Variants in TTN observed in about 807,000 individuals in gnomAD.
The protein encoded by TTN is titin, also known as connectin.
TTN carries 1,525 observed loss-of-function variants against 3,223.0 expected under a neutral mutation model. The observed-to-expected ratio is 0.47, with a 90% CI of 0.45 to 0.49. TTN has a LOEUF of 0.49. TTN is among the 20% of genes least tolerant of loss of function. The probability of loss-of-function intolerance (pLI) is 0.00; values close to 1 mark genes in which losing one functional copy is unlikely to be tolerated. For missense variants in TTN, 40,786 were observed against 43,424.0 expected (o/e 0.94, Z 5.40); for synonymous variants, 14,094 against 15,161.0 (o/e 0.93, Z 5.17).
In TTN at chr2:178,551,165, C is replaced by T. The variant is rs773655064; in HGVS notation, c.91366G>A (p.Gly30456Ser). 3 of 1,613,436 alleles carry T rather than the reference C, an allele frequency of 1.9e-6. No individual in the cohort carries two copies. In the African/African-American group the frequency reaches 4.0e-5, roughly 22 times the overall value. Residue 30456 changes from glycine to serine, a missense_variant, in exon 336 of 363, where the codon GGC becomes AGC. Coordinates refer to ENST00000589042, the MANE Select transcript of TTN (RefSeq NM_001267550.2). ...CCTTGCCGTTTCTCAATGCTATAGC[C>T]CACAATCTTACTGCCTCCATCACGC... Reference protein sequence around the residue: ...PLRDGGSKIVGYSIEKRQGNE... With the variant: ...PLRDGGSKIVSYSIEKRQGNE...
In TTN at chr2:178,688,692, C is replaced by T. The variant is rs1560397666; in HGVS notation, c.32182G>A (p.Val10728Ile). ...LSFAVPQRVEVTRHEVSAEEE... is the reference protein window; with the variant it reads ...LSFAVPQRVEITRHEVSAEEE... ...GATTATATACCTTCGTGCCGCGTGA[C>T]TTCCACTCTTTGAGGAACTGCGAAG... The change falls in exon 126 of 363, where the codon GTC (valine) becomes ATC (isoleucine). Residue 10728 changes from valine to isoleucine, a missense_variant. Coordinates refer to ENST00000589042, the MANE Select transcript of TTN (RefSeq NM_001267550.2). 6.2e-7 allele frequency: 1 copy of T among 1,613,108 alleles called. No individual in the cohort carries two copies. Among genetic ancestry groups the T allele is most frequent in the East Asian group, 2.2e-5 (1 of 44,874 alleles).
Position 178,566,715 on chromosome 2 carries a change from T to C in TTN, c.79417A>G (p.Ser26473Gly). 1 of 1,613,512 alleles carries C rather than the reference T, an allele frequency of 6.2e-7. No homozygotes were observed. Among genetic ancestry groups the C allele is most frequent in the East Asian group, 2.2e-5 (1 of 44,842 alleles). The change falls in exon 326 of 363, where the codon AGT becomes GGT. Residue 26473 changes from serine to glycine, a missense_variant. Coordinates refer to ENST00000589042, the MANE Select transcript of TTN (RefSeq NM_001267550.2). ...GCTTTATAATAAACTGTAGCTGGACTTGGTTCCCCAACTCCAGCAGCATTT... is the reference window on the plus strand; with the variant it reads ...GCTTTATAATAAACTGTAGCTGGACCTGGTTCCCCAACTCCAGCAGCATTT... ...AENAAGVGEP[S>G]PATVYYKACD...
At position 178,677,856 on chromosome 2, in the gene TTN, T is replaced by C. The variant is rs986502331; in HGVS notation, c.34056A>G (p.Leu11352=). 2.5e-6 allele frequency: 4 copies of C among 1,612,310 alleles called. No individual in the cohort carries two copies. Among genetic ancestry groups the C allele is most frequent in the African/African-American group, 2.7e-5 (2 of 74,780 alleles). Residue 11352 remains leucine (L), a synonymous_variant, in exon 146 of 363, where the codon CTA becomes CTG. Transcript: ENST00000589042. ...CTTCAGGAACAATTTCTTCTTCAAATAGAACTTCCTCTTCCTGAGGTAGAG... is the reference window on the plus strand; with the variant it reads ...CTTCAGGAACAATTTCTTCTTCAAACAGAACTTCCTCTTCCTGAGGTAGAG... ...PVALPQEEEV[L]FEEEIVPEEE... is the part of the protein sequence containing the mutation.
rs879134517 is a variant in TTN, at chr2:178,694,882, T to C, written c.31295A>G (p.Lys10432Arg). 24 of 1,557,350 alleles carry C rather than the reference T, an allele frequency of 1.5e-5. No homozygotes were observed. The highest frequency in any genetic ancestry group is 2.1e-5 in the Non-Finnish European group (24 of 1,149,198). Residue 10432 changes from lysine (K) to arginine (R), a missense_variant, in exon 116 of 363, where the codon AAA (lysine) becomes AGA (arginine). Physicochemically the swap from Lys to Arg is conservative, Grantham distance 26. Transcript: ENST00000589042. The stretch of plus-strand genomic sequence containing the variant: ...CATTCTTCGAGAAGTCTTTTCAATT[T>C]TTTCAATTACTGGCTTCTTTATAAC... ...PKVIKKPVIEKIEKTSRRMEE... is the reference protein window; with the variant it reads ...PKVIKKPVIERIEKTSRRMEE...
intron 278 of TTN, 28 bp downstream of exon 278, chr2:178,606,993 A>G (rs569838879): frequency 4.0e-5 from 63 of 1,594,188 alleles, no homozygotes; most frequent in South Asian, 2.3e-4. Context: ...ACATTACTCT[A>G]TAAACACAAT....
At chr2:178,602,665 G>T in intron 282 of TTN, 75 bp from the exon 283 acceptor site, 1 of 1,103,128 alleles carries the variant, frequency 9.1e-7, no homozygotes, top group Non-Finnish European at 1.2e-6. Context: ...TACTACACAT[G>T]ATCATATATT....
Position 178,651,264 on chromosome 2 carries a change from G to A in TTN, c.39604C>T (p.Pro13202Ser), listed in dbSNP as rs1413532710. Residue 13202 changes from proline to serine, a missense_variant, in exon 208 of 363, where the codon CCA becomes TCA. Physicochemically the swap from Pro to Ser is moderately conservative, Grantham distance 74. Coordinates refer to ENST00000589042, the MANE Select transcript of TTN (RefSeq NM_001267550.2). Reference protein sequence around the residue: ...PEKKVAVPKKPEVPPAKVPEV... With the variant: ...PEKKVAVPKKSEVPPAKVPEV... ...GTACCTTTTGCTGGTGGGACTTCTGGCTTTTTGGGAACAGCTACTTTCTTT... is the reference window on the plus strand; with the variant it reads ...GTACCTTTTGCTGGTGGGACTTCTGACTTTTTGGGAACAGCTACTTTCTTT... 2 of 1,613,092 alleles carry A rather than the reference G, an allele frequency of 1.2e-6. No individual in the cohort carries two copies. The highest frequency in any genetic ancestry group is 1.7e-6 in the Non-Finnish European group (2 of 1,179,432).
At position 178,565,990 on chromosome 2, in the gene TTN, C is replaced by A; in HGVS notation, c.80142G>T (p.Lys26714Asn). Residue 26714 changes from lysine (K) to asparagine (N), a missense_variant, in exon 326 of 363, where the codon AAG becomes AAT. Lys to Asn is a moderately conservative substitution (Grantham distance 94, BLOSUM62 0). Transcript: ENST00000589042. ...WEPPIIDGGA[K>N]VKNYVIDKRE... ...GTTTGTCAATCACATAGTTCTTGACCTTTGCCCCTCCATCAATGATGGGTG... is the reference window on the plus strand; with the variant it reads ...GTTTGTCAATCACATAGTTCTTGACATTTGCCCCTCCATCAATGATGGGTG... 1 of 1,613,548 alleles carries A rather than the reference C, an allele frequency of 6.2e-7. No individual in the cohort carries two copies. Among genetic ancestry groups the A allele is most frequent in the Non-Finnish European group, 8.5e-7 (1 of 1,179,624 alleles).
At chr2:178,788,740 T>C (rs1202494823) in intron 13 of TTN, among the ~76,000 whole-genome samples, 1 of 152,076 alleles carries the variant, frequency 6.6e-6, no homozygotes, top group African/African-American at 2.4e-5. Flanking sequence ...ACGGTAATCT[T>C]TTCATGGCTT....
Position 178,694,027 on chromosome 2 carries a change from A to G in TTN, c.31427-19T>C. On this transcript the variant is annotated intron_variant, in intron 117 of 362. Coordinates refer to ENST00000589042, the MANE Select transcript of TTN (RefSeq NM_001267550.2). The stretch of plus-strand genomic sequence containing the variant: ...GCTGGTACTTTAAAGAGAGTATTTC[A>G]CATTAGTATTCCTTTTTTTTAGTAC... The G allele has an allele frequency of 6.3e-7, 1 of 1,584,300 alleles. No individual in the cohort carries two copies. Among genetic ancestry groups the G allele is most frequent in the South Asian group, 1.1e-5 (1 of 88,240 alleles).
chr2:178,794,018 A>T (rs2093643192), intron 8 of TTN, among the ~76,000 whole-genome samples: 1 of 152,212 alleles, frequency 6.6e-6, no homozygotes, highest in African/African-American at 2.4e-5. Flanking sequence ...GGGGAAACTT[A>T]GAGAAATGTA....
Position 178,621,697 on chromosome 2 carries a change from TAAC to T in TTN, c.45124_45126del (p.Val15042del). 1.2e-6 allele frequency: 2 copies of T among 1,612,124 alleles called. No individual in the cohort carries two copies. Among genetic ancestry groups the T allele is most frequent in the Non-Finnish European group, 1.7e-6 (2 of 1,179,036 alleles). On this transcript the variant is annotated inframe_deletion, in exon 245 of 363. Transcript: ENST00000589042. The stretch of plus-strand genomic sequence containing the variant: ...ACCAGTTTTATAGTGTCTGTTTCAC[TAAC>T]TTCAATGTTGGCAAGATTTTTGGTA...
rs758185616 is a variant in TTN at position 178,722,509 on chromosome 2, C to T, written c.22278G>A (p.Lys7426=). The T allele has an allele frequency of 3.7e-6, 6 of 1,612,600 alleles. No individual in the cohort carries two copies. The South Asian group carries it at 6.6e-5, about 18-fold the overall frequency. Residue 7426 remains lysine (K), a synonymous_variant, in exon 77 of 363, where the codon AAG becomes AAA. Coordinates refer to ENST00000589042, the MANE Select transcript of TTN (RefSeq NM_001267550.2). The part of the protein sequence containing the change: ...QLPPSFARQL[K]DIEQTVGLPV... The stretch of plus-strand genomic sequence containing the variant: ...GTAACCCCACAGTTTGTTCAATGTC[C>T]TTTAATTGTCTTGCAAAAGAAGGTG...
chr2:178,566,616 G>GC lies in TTN; in HGVS notation c.79515_79516insG (p.Leu26506AlafsTer5). On this transcript the variant is annotated frameshift_variant, in exon 326 of 363. Transcript: ENST00000589042. LOFTEE classifies it high-confidence loss of function. ...TCATAGATGGGTTTACCCCAGGCAA[G>GC]TGTGATTGAATTTTTAGTGGTGTCT... The GC allele has an allele frequency of 6.2e-7, 1 of 1,612,466 alleles. No individual in the cohort carries two copies. Among genetic ancestry groups the GC allele is most frequent in the Non-Finnish European group, 8.5e-7 (1 of 1,179,666 alleles).
In TTN at chr2:178,741,320, C is replaced by T. The variant is rs749961489; in HGVS notation, c.11913G>A (p.Trp3971Ter). The T allele has an allele frequency of 4.3e-6, 7 of 1,613,830 alleles. No homozygotes were observed. Among genetic ancestry groups the T allele is most frequent in the Non-Finnish European group, 5.9e-6 (7 of 1,179,824 alleles). The change falls in exon 48 of 363, where the codon TGG (tryptophan) becomes TGA (stop). Residue 3971 changes from tryptophan to a stop codon, truncating the protein, a stop_gained. Transcript: ENST00000589042. LOFTEE classifies it high-confidence loss of function. ...TGCAAAGCTGCTTGTTTTCTTTGAACCATGTAACAGTAGGGGCAGGCTCTC... is the reference window on the plus strand; with the variant it reads ...TGCAAAGCTGCTTGTTTTCTTTGAATCATGTAACAGTAGGGGCAGGCTCTC... ...VVGEPAPTVT[W>*]FKENKQLCTS... is the part of the protein sequence containing the mutation.
Position 178,605,411 on chromosome 2 carries a change from C to T in TTN, c.53881+3G>A, listed in dbSNP as rs1160974431. On this transcript the variant is annotated splice_donor_region_variant and intron_variant, in intron 279 of 362. Transcript: ENST00000589042. ...AAATTATTATTATATTCAGATTCCG[C>T]ACCTTCATCATCTTGTATGACTACA... 2.5e-6 allele frequency: 4 copies of T among 1,576,574 alleles called. No individual in the cohort carries two copies. The African/African-American group carries it at 4.1e-5, about 16-fold the overall frequency.
Position 178,570,011 on chromosome 2 carries a change from T to C in TTN, c.76121A>G (p.Asp25374Gly). 6.2e-7 allele frequency: 1 copy of C among 1,613,046 alleles called. No individual in the cohort carries two copies. Among genetic ancestry groups the C allele is most frequent in the Non-Finnish European group, 8.5e-7 (1 of 1,179,406 alleles). Residue 25374 changes from aspartate to glycine, a missense_variant, in exon 326 of 363, where the codon GAT becomes GGT. Coordinates refer to ENST00000589042, the MANE Select transcript of TTN (RefSeq NM_001267550.2). ...LRVTGLIENHDYEFRVSAENA... is the reference protein window; with the variant it reads ...LRVTGLIENHGYEFRVSAENA... Reference sequence around the variant, plus strand: ...CTCAGCAGAAACTCTGAACTCATAATCGTGATTTTCTATGAGTCCAGTTAC... The same window carrying C: ...CTCAGCAGAAACTCTGAACTCATAACCGTGATTTTCTATGAGTCCAGTTAC...
intron 113 of TTN, among the ~76,000 whole-genome samples, 162 bp downstream of exon 113, chr2:178,696,959 G>A (rs1017596630): frequency 1.3e-5 from 2 of 151,950 alleles, no homozygotes; most frequent in South Asian, 4.1e-4. Flanking sequence ...CCTGGGAAAG[G>A]GGCAATATGA....
In TTN at chr2:178,729,145, A is replaced by G. The variant is rs375571785; in HGVS notation, c.18893T>C (p.Ile6298Thr). The G allele has an allele frequency of 3.1e-5, 49 of 1,590,620 alleles. No individual in the cohort carries two copies. Among genetic ancestry groups the G allele is most frequent in the African/African-American group, 1.3e-4 (10 of 74,184 alleles). The change falls in exon 65 of 363, where the codon ATA becomes ACA. Residue 6298 changes from isoleucine to threonine, a missense_variant. Ile to Thr is a moderately conservative substitution (Grantham distance 89, BLOSUM62 -1). Coordinates refer to ENST00000589042, the MANE Select transcript of TTN (RefSeq NM_001267550.2). ...LKEPPSFIKK[I>T]ENTTTVLKSS... ...TTTCAAAACAGTAGTGGTATTTTCT[A>G]TCTTCTTAATGAATGATGGTGGTTC...
Sources: allele counts gnomAD v4.1 joint callset (sites outside exome capture counted in the v4.1 genomes callset), GRCh38; gene constraint gnomAD v4.1.1; transcripts MANE v1.5; gene names NCBI Gene and HGNC (gene_info 2026-07-23, HGNC 2026-07-21).